Variants in PIWIL1 observed in about 807,000 individuals in gnomAD.
PIWIL1 encodes the protein piwi-like protein 1.
In PIWIL1, 73 loss-of-function variants were observed where a neutral mutation model predicts 114.4. The ratio of observed to expected loss-of-function variants is 0.64; its 90% CI spans 0.53 to 0.78. The LOEUF (loss-of-function observed/expected upper bound fraction) is 0.78. PIWIL1 is among the 30% of genes least tolerant of loss of function. The pLI, the probability that PIWIL1 is intolerant of heterozygous loss-of-function variation, is 0.00. For synonymous variants in PIWIL1, 375 were observed against 369.0 expected (o/e 1.02, Z -0.19); for missense variants, 723 against 1,063.1 (o/e 0.68, Z 4.45).
chr12:130,338,522 G>GTGTGGGAGA (rs2072783876), intron 1 of PIWIL1, among the ~76,000 whole-genome samples: 2 of 27,488 alleles, frequency 7.3e-5, no homozygotes, highest in African/African-American at 1.2e-4. Context: ...GAGGTCCCAG[G>GTGTGGGAGA]TGCGGGAGAT....
At chr12:130,389,320 A>C in the PIWIL1 span, among the ~76,000 whole-genome samples, 2 of 152,102 alleles carry the variant, frequency 1.3e-5, no homozygotes, top group Admixed American at 1.3e-4. Context: ...AATGTCTTGA[A>C]GGGTGTTGTC....
At chr12:130,402,939 T>C in the PIWIL1 span, among the ~76,000 whole-genome samples, 1 of 152,146 alleles carries the variant, frequency 6.6e-6, no homozygotes, top group Non-Finnish European at 1.5e-5. Context: ...GTTAGAAGTC[T>C]TCAGTGACTT....
At chr12:130,424,976 G>C in the PIWIL1 span, 3 of 513,336 alleles carry the variant, frequency 5.8e-6, no homozygotes, top group South Asian at 1.1e-4. This position sits in a 1 kb window ranked among gnomAD's most constrained non-coding sequence, Gnocchi z 9.8. Context: ...CCGAGGGGGG[G>C]GAAGCATGCG....
chr12:130,362,641 AG>A (rs1280382201), intron 16 of PIWIL1, 124 bp from the exon 17 acceptor site: 6 of 756,564 alleles, frequency 7.9e-6, no homozygotes, highest in Non-Finnish European at 1.3e-5. Context: ...AGATGTTAAC[AG>A]ATGTCTTTAA....
chr12:130,406,306 A>G, the PIWIL1 span: 1 of 1,116,310 alleles, frequency 9.0e-7, no homozygotes, highest in South Asian at 1.4e-5. Context: ...TTTTTTAAAA[A>G]TAAGTTCTCT....
At chr12:130,342,182 G>C (rs577584437) in intron 1 of PIWIL1, 411 of 191,266 alleles carry the variant, frequency 2.1e-3, no homozygotes, top group Non-Finnish European at 3.2e-3. Context: ...GTGTGTGTGT[G>C]TGTGTGTGTC....
the PIWIL1 span, among the ~76,000 whole-genome samples, chr12:130,410,573 A>G: frequency 2.0e-5 from 3 of 152,192 alleles, no homozygotes; most frequent in Non-Finnish European, 2.9e-5. Context: ...TCATTTTGGC[A>G]TATGGATGTG....
the PIWIL1 span, among the ~76,000 whole-genome samples, chr12:130,404,491 G>T: frequency 6.6e-6 from 1 of 152,048 alleles, no homozygotes; most frequent in African/African-American, 2.4e-5. Flanking sequence ...GTAGAAACGG[G>T]GTTTCACCAT....
At chr12:130,397,427 C>T in the PIWIL1 span, 1 of 398,832 alleles carries the variant, frequency 2.5e-6, no homozygotes. Flanking sequence ...TTTTCTTTTT[C>T]GAGGACATTT....
At chr12:130,402,158 C>A in the PIWIL1 span, among the ~76,000 whole-genome samples, 1 of 152,224 alleles carries the variant, frequency 6.6e-6, no homozygotes, top group Admixed American at 6.5e-5. Flanking sequence ...GCTACTGCGT[C>A]CAAAGTGACG....
At chr12:130,355,463 T>C (rs2073338708) in intron 11 of PIWIL1, 90 bp from the exon 12 acceptor site, 1 of 943,790 alleles carries the variant, frequency 1.1e-6, no homozygotes, top group African/African-American at 1.6e-5. Context: ...GACATTGGAG[T>C]GTGTTGTAGG....
the PIWIL1 span, among the ~76,000 whole-genome samples, chr12:130,404,491 G>A: frequency 6.6e-6 from 1 of 152,166 alleles, no homozygotes; most frequent in African/African-American, 2.4e-5. Context: ...GTAGAAACGG[G>A]GTTTCACCAT....
the PIWIL1 span, chr12:130,424,143 A>C: frequency 1.6e-6 from 2 of 1,229,120 alleles, no homozygotes; most frequent in Non-Finnish European, 2.0e-6. This position sits in a 1 kb window ranked among gnomAD's most constrained non-coding sequence, Gnocchi z 9.8. Context: ...GTCACACACC[A>C]GGGGGCCTTG....
the PIWIL1 span, among the ~76,000 whole-genome samples, chr12:130,393,990 G>A: frequency 1.3e-5 from 2 of 152,152 alleles, no homozygotes; most frequent in Non-Finnish European, 2.9e-5. Flanking sequence ...TTTGCTGTAT[G>A]TATTTTACGG....
intron 1 of PIWIL1, among the ~76,000 whole-genome samples, chr12:130,340,675 G>C (rs1318053407): frequency 3.3e-5 from 5 of 150,506 alleles, no homozygotes; most frequent in African/African-American, 9.8e-5. Context: ...GGTGGTGGTG[G>C]TGGTGCTGCT....
the PIWIL1 span, among the ~76,000 whole-genome samples, chr12:130,408,612 T>C: frequency 1.3e-5 from 2 of 152,082 alleles, no homozygotes; most frequent in African/African-American, 4.8e-5. Context: ...AGGTGAACAC[T>C]CTCAGGACGT....
At chr12:130,392,863 C>T in the PIWIL1 span, among the ~76,000 whole-genome samples, 728 of 5,350 alleles carry the variant, frequency 0.14, 151 homozygotes, top group African/African-American at 0.34. Flanking sequence ...CACGTGTGTC[C>T]GTCAGTTACC....
chr12:130,414,641 G>A, the PIWIL1 span: 3 of 215,774 alleles, frequency 1.4e-5, no homozygotes, highest in African/African-American at 2.3e-5. Context: ...GCCTTCCCAG[G>A]ACCCACACAC....
intron 5 of PIWIL1, 73 bp from the exon 6 acceptor site, chr12:130,346,868 C>G: frequency 6.5e-7 from 1 of 1,544,532 alleles, no homozygotes. Flanking sequence ...CCTTATTAAG[C>G]AAGCAGTATG....
Sources: gnomAD v4.1 joint callset for allele counts (sites outside exome capture counted in the v4.1 genomes callset) on GRCh38, gnomAD v4.1.1 for gene constraint, Gnocchi (gnomAD v3.1) non-coding constraint, MANE v1.5 for transcripts, NCBI Gene and HGNC (gene_info 2026-07-23, HGNC 2026-07-21) for gene names.